The following CAMSAP2 variants were observed in gnomAD, a reference collection of about 807,000 sequenced individuals.
The protein encoded by CAMSAP2 is calmodulin regulated spectrin associated protein family member 2, also known as calmodulin-regulated spectrin-associated protein 2.
Under a neutral mutation model 146.1 loss-of-function variants are expected in CAMSAP2, and 26 were observed. That is an observed-to-expected ratio of 0.18 (90% CI 0.13 to 0.25). The LOEUF is 0.25. Among genes scored for constraint, CAMSAP2 ranks in the 10% least tolerant of loss-of-function variants. CAMSAP2 has a pLI of 1.00. For synonymous variants in CAMSAP2, 499 were observed against 596.6 expected, an observed-to-expected ratio of 0.84 and a Z score of 2.38; for missense variants, 1,381 against 1,759.3, an observed-to-expected ratio of 0.78 and a Z score of 3.85.
intron 2 of CAMSAP2, among the ~76,000 whole-genome samples, chr1:200,763,075 C>CT (rs1312825426): frequency 2.6e-5 from 4 of 151,940 alleles, no homozygotes; most frequent in Non-Finnish European, 5.9e-5. Context: ...AATTTTTGTA[C>CT]TTTTAGTAGA....
Position 200,852,639 on chromosome 1 carries a change from G to C in CAMSAP2, c.3564G>C (p.Gln1188His). The C allele has an allele frequency of 6.2e-7, 1 of 1,613,862 alleles. No homozygotes were observed. Among genetic ancestry groups the C allele is most frequent in the Non-Finnish European group, 8.5e-7 (1 of 1,179,926 alleles). The change falls in exon 12 of 17, where the codon CAG (glutamine) becomes CAC (histidine). Residue 1188 changes from glutamine to histidine, a missense_variant. Gln to His is a conservative substitution (Grantham distance 24, BLOSUM62 0). This residue lies in a region of CAMSAP2 where 560 missense variants were observed against 715.9 expected (regional missense o/e 0.78). Transcript: ENST00000358823. ...REKETQLRKQ[Q>H]LEAEMEHKKE... ...AGGAAACTCAGCTCCGGAAACAACA[G>C]TTGGAAGCAGAAATGGAGCATAAGA...
intron 1 of CAMSAP2, among the ~76,000 whole-genome samples, chr1:200,751,962 T>G (rs1664518200): frequency 6.6e-6 from 1 of 152,178 alleles, no homozygotes; most frequent in Non-Finnish European, 1.5e-5. Flanking sequence ...GTGGAAGCAC[T>G]GGATTGGGGC....
At position 200,832,777 on chromosome 1, in the gene CAMSAP2, C is replaced by A. The variant is rs1026960748; in HGVS notation, c.859C>A (p.Gln287Lys). 1 of 1,610,228 alleles carries A rather than the reference C, an allele frequency of 6.2e-7. No homozygotes were observed. Among genetic ancestry groups the A allele is most frequent in the Non-Finnish European group, 8.5e-7 (1 of 1,177,698 alleles). Residue 287 changes from glutamine (Q) to lysine (K), a missense_variant, in exon 6 of 17, where the codon CAA becomes AAA. Coordinates refer to ENST00000358823, the MANE Select transcript of CAMSAP2 (RefSeq NM_203459.4). This position sits in a 1 kb window ranked among gnomAD's most constrained non-coding sequence, Gnocchi z 4.2. ...TCTGCAGCTGATTCAAGAATTTTGCCAAGAATACTTGAACCAGTGTTGCCA... is the reference window on the plus strand; with the variant it reads ...TCTGCAGCTGATTCAAGAATTTTGCAAAGAATACTTGAACCAGTGTTGCCA... ...YNLQLIQEFC[Q>K]EYLNQCCHFT...
intron 4 of CAMSAP2, among the ~76,000 whole-genome samples, chr1:200,816,884 GTGTGTATGTGTGTA>G (rs1666548510): frequency 1.6e-5 from 1 of 64,402 alleles, no homozygotes. Context: ...ACACACACGC[GTGTGTATGTGTGTA>G]CACACACACG....
chr1:200,836,051 T>C (rs922151224), intron 6 of CAMSAP2, among the ~76,000 whole-genome samples: 2 of 152,012 alleles, frequency 1.3e-5, no homozygotes, highest in Non-Finnish European at 2.9e-5. Context: ...TCTTTACTTA[T>C]TACTACCACA....
chr1:200,806,138 G>T (rs761756190), intron 2 of CAMSAP2, among the ~76,000 whole-genome samples: 9 of 152,088 alleles, frequency 5.9e-5, no homozygotes, highest in Non-Finnish European at 1.2e-4. Flanking sequence ...TGCAACAAAA[G>T]GTACCCTAAA....
chr1:200,854,886 C>A lies in CAMSAP2; in HGVS notation c.3893C>A (p.Pro1298Gln). Residue 1298 changes from proline to glutamine, a missense_variant, in exon 14 of 17, where the codon CCA becomes CAA. Pro to Gln is a moderately conservative substitution (Grantham distance 76). Transcript: ENST00000358823. ...AGTGTACATTCAGGCAAGAGGACGC[C>A]AAGGTAAATCTATAACGTATGAATA... is the stretch of plus-strand genomic sequence containing the variant. ...NESVHSGKRT[P>Q]RSESVEGFLS... 1 of 1,603,318 alleles carries A rather than the reference C, an allele frequency of 6.2e-7. No individual in the cohort carries two copies.
chr1:200,787,421 G>T (rs1235693828), intron 2 of CAMSAP2, among the ~76,000 whole-genome samples: 1 of 152,166 alleles, frequency 6.6e-6, no homozygotes, highest in East Asian at 1.9e-4. Flanking sequence ...AGAAGTATCT[G>T]CAGATGTGGT....
intron 1 of CAMSAP2, among the ~76,000 whole-genome samples, chr1:200,742,855 A>G (rs1411637476): frequency 6.6e-6 from 1 of 152,036 alleles, no homozygotes; most frequent in African/African-American, 2.4e-5. Context: ...TAAAAAAAAA[A>G]CACTGATGTT....
At chr1:200,804,022 G>A (rs1249706023) in intron 2 of CAMSAP2, among the ~76,000 whole-genome samples, 1 of 151,876 alleles carries the variant, frequency 6.6e-6, no homozygotes, top group African/African-American at 2.4e-5. Context: ...CACCTCCCGG[G>A]TTCATGCCAT....
chr1:200,811,994 G>A (rs553639076), intron 3 of CAMSAP2, among the ~76,000 whole-genome samples: 5 of 152,060 alleles, frequency 3.3e-5, no homozygotes, highest in South Asian at 4.1e-4. Flanking sequence ...TCTGCTCTCC[G>A]TCAGCTTGGA....
intron 2 of CAMSAP2, among the ~76,000 whole-genome samples, chr1:200,784,530 C>T (rs1272983992): frequency 3.3e-5 from 5 of 152,210 alleles, no homozygotes; most frequent in African/African-American, 7.2e-5. Flanking sequence ...TTTGGAATTG[C>T]ATTTCAGATT....
intron 2 of CAMSAP2, among the ~76,000 whole-genome samples, chr1:200,800,930 G>A (rs1204313484): frequency 2.6e-5 from 4 of 152,132 alleles, no homozygotes; most frequent in Non-Finnish European, 5.9e-5. Context: ...ATGAAGCTTA[G>A]TTTGACTGGA....
intron 2 of CAMSAP2, among the ~76,000 whole-genome samples, chr1:200,777,709 C>T (rs1172492466): frequency 6.6e-6 from 1 of 152,114 alleles, no homozygotes; most frequent in Non-Finnish European, 1.5e-5. Flanking sequence ...CCAAGGCTAA[C>T]ATATATTCTC....
chr1:200,848,551 T>C lies in CAMSAP2; in HGVS notation c.1782T>C (p.Asp594=), dbSNP rs1422429668. 6 of 1,614,102 alleles carry C rather than the reference T, an allele frequency of 3.7e-6. No homozygotes were observed. The highest frequency in any genetic ancestry group is 3.3e-5 in the Admixed American group (2 of 60,018). ...LNQSSPDNVT[D]TKGALSPITD... is the part of the protein sequence containing the mutation. The stretch of plus-strand genomic sequence containing the variant: ...AATCTAGTCCTGATAATGTAACTGA[T>C]ACGAAAGGTGCCTTGAGTCCCATAA... The change falls in exon 11 of 17, where the codon GAT becomes GAC. Residue 594 remains aspartate (D), a synonymous_variant. Coordinates refer to ENST00000358823, the MANE Select transcript of CAMSAP2 (RefSeq NM_203459.4).
intron 2 of CAMSAP2, among the ~76,000 whole-genome samples, chr1:200,781,337 G>A (rs969217330): frequency 6.6e-6 from 1 of 152,162 alleles, no homozygotes; most frequent in East Asian, 1.9e-4. Flanking sequence ...TGTTGGCATA[G>A]GGTAGCAGCA....
At position 200,849,366 on chromosome 1, in the gene CAMSAP2, G is replaced by A. The variant is rs754283904; in HGVS notation, c.2597G>A (p.Ser866Asn). 6 of 1,614,006 alleles carry A rather than the reference G, an allele frequency of 3.7e-6. No individual in the cohort carries two copies. The East Asian group carries it at 6.7e-5, about 18-fold the overall frequency. ...IDPEKQWNLA[S>N]PSEETLNEGE... ...CCTGAGAAGCAGTGGAACCTGGCAAGCCCCTCAGAAGAAACTTTAAATGAA... is the reference window on the plus strand; with the variant it reads ...CCTGAGAAGCAGTGGAACCTGGCAAACCCCTCAGAAGAAACTTTAAATGAA... Residue 866 changes from serine to asparagine, a missense_variant, in exon 11 of 17, where the codon AGC becomes AAC. Ser to Asn is a conservative substitution (Grantham distance 46). Around this residue, in one of 4 missense-constraint regions of CAMSAP2, gnomAD observed 560 missense variants for 715.9 expected, o/e 0.78. Transcript: ENST00000358823. The surrounding 1 kb of genome is among the most constrained non-coding windows in gnomAD (Gnocchi z 6.3).
At chr1:200,754,861 C>G (rs184298532) in intron 1 of CAMSAP2, among the ~76,000 whole-genome samples, 1 of 152,034 alleles carries the variant, frequency 6.6e-6, no homozygotes, top group South Asian at 2.1e-4. Flanking sequence ...GGATTACAGG[C>G]GTGAGCCACC....
At position 200,848,371 on chromosome 1, in the gene CAMSAP2, C is replaced by G. The variant is rs377514492; in HGVS notation, c.1602C>G (p.Gly534=). ...ATAGAATACTTCTTGACGAGTTTGG[C>G]AATCAGATCGAGACACCAAGCATTG... ...LQNRILLDEF[G]NQIETPSIEE... Residue 534 remains glycine (G), a synonymous_variant, in exon 11 of 17, where the codon GGC becomes GGG. Coordinates refer to ENST00000358823, the MANE Select transcript of CAMSAP2 (RefSeq NM_203459.4). 2.5e-5 allele frequency: 40 copies of G among 1,613,748 alleles called. No homozygotes were observed. Among genetic ancestry groups the G allele is most frequent in the Non-Finnish European group, 3.4e-5 (40 of 1,179,906 alleles).
Sources: gnomAD v4.1 joint callset for allele counts (sites outside exome capture counted in the v4.1 genomes callset) on GRCh38, gnomAD v4.1.1 for gene constraint, gnomAD v4.1.1 regional missense constraint, Gnocchi (gnomAD v3.1) non-coding constraint, MANE v1.5 for transcripts, NCBI Gene and HGNC (gene_info 2026-07-23, HGNC 2026-07-21) for gene names.